WASF2: variants seen among roughly 807,000 people sequenced by gnomAD.
The protein encoded by WASF2 is actin-binding protein WASF2.
In WASF2, 14 loss-of-function variants were observed where a neutral mutation model predicts 45.0. The ratio of observed to expected loss-of-function variants is 0.31; its 90% confidence interval spans 0.21 to 0.49. WASF2 has a LOEUF of 0.49. Ranked by LOEUF, WASF2 falls within the 20% of genes least tolerant of loss-of-function variation. The pLI, the probability that WASF2 is intolerant of heterozygous loss-of-function variation, is 0.99. For missense variants in WASF2, 439 were observed against 636.1 expected (o/e 0.69, Z 3.33); for synonymous variants, 200 against 236.3 (o/e 0.85, Z 1.41).
At chr1:27,448,082 A>G (rs1474511176) in intron 1 of WASF2, among the ~76,000 whole-genome samples, 7 of 152,212 alleles carry the variant, frequency 4.6e-5, no homozygotes, top group Admixed American at 4.6e-4. Context: ...TGGTATTTAT[A>G]TGGGCTCTCC....
At chr1:27,480,809 C>A (rs1453084755) in intron 1 of WASF2, among the ~76,000 whole-genome samples, 2 of 151,964 alleles carry the variant, frequency 1.3e-5, no homozygotes, top group African/African-American at 4.8e-5. Context: ...GAGATCGAGA[C>A]CATCCTGGCT....
chr1:27,414,613 C>T lies in WASF2; in HGVS notation c.668+220G>A, dbSNP rs778514818. ...GGAGCCATGGGCTTTCTTTTCCAGA[C>T]CACTCCAATCACCTCATTTAAATTG... On this transcript the variant is annotated intron_variant, in intron 6 of 8. Coordinates refer to ENST00000618852, the MANE Select transcript of WASF2 (RefSeq NM_006990.5). This position sits in a 1 kb window ranked among gnomAD's most constrained non-coding sequence, Gnocchi z 4.1. Among the ~76,000 whole-genome samples, 6 of 152,166 alleles carry T rather than the reference C, an allele frequency of 3.9e-5. No individual in the cohort carries two copies. The highest frequency in any genetic ancestry group is 8.8e-5 in the Non-Finnish European group (6 of 68,040).
At chr1:27,423,588 A>G (rs2016937346) in intron 2 of WASF2, among the ~76,000 whole-genome samples, 1 of 152,230 alleles carries the variant, frequency 6.6e-6, no homozygotes, top group Non-Finnish European at 1.5e-5. Context: ...AACTTCTGAA[A>G]ACAGAAGTGT....
intron 2 of WASF2, among the ~76,000 whole-genome samples, chr1:27,423,132 C>A (rs1218138381): frequency 1.8e-5 from 2 of 113,268 alleles, no homozygotes; most frequent in African/African-American, 5.9e-5. Context: ...CGGAGTGAGA[C>A]TCCATCTCAA....
At chr1:27,422,713 T>C (rs916685244) in intron 2 of WASF2, among the ~76,000 whole-genome samples, 1 of 152,130 alleles carries the variant, frequency 6.6e-6, no homozygotes, top group South Asian at 2.1e-4. Context: ...CCAGCCTTAG[T>C]TTCCTCATCT....
chr1:27,445,049 T>C (rs1363385410), intron 1 of WASF2, among the ~76,000 whole-genome samples: 1 of 152,138 alleles, frequency 6.6e-6, no homozygotes, highest in East Asian at 1.9e-4. Context: ...ACTCTTTGAG[T>C]ACAGGAATTG....
intron 2 of WASF2, 128 bp from the exon 3 acceptor site, chr1:27,419,216 G>T: frequency 1.0e-6 from 1 of 1,000,174 alleles, no homozygotes; most frequent in Non-Finnish European, 1.5e-6. Flanking sequence ...ACCCTAAGAC[G>T]GTTTGGGCTA....
chr1:27,411,199 A>C (rs2016756558), intron 7 of WASF2, among the ~76,000 whole-genome samples: 1 of 152,232 alleles, frequency 6.6e-6, no homozygotes, highest in Admixed American at 6.5e-5. Flanking sequence ...TCAATTTCTA[A>C]TTAAGAAGTA....
chr1:27,483,121 G>A (rs781345917), intron 1 of WASF2, among the ~76,000 whole-genome samples: 2 of 152,100 alleles, frequency 1.3e-5, no homozygotes, highest in Non-Finnish European at 2.9e-5. Flanking sequence ...AATCACTTGA[G>A]GTCAAGAGTT....
chr1:27,450,334 A>G (rs931843355), intron 1 of WASF2, among the ~76,000 whole-genome samples: 1 of 152,168 alleles, frequency 6.6e-6, no homozygotes, highest in Non-Finnish European at 1.5e-5. Context: ...TAATTAGCAC[A>G]TGTCCAAAGA....
At chr1:27,438,867 T>C (rs1036735149) in intron 1 of WASF2, among the ~76,000 whole-genome samples, 2 of 152,204 alleles carry the variant, frequency 1.3e-5, no homozygotes, top group African/African-American at 4.8e-5. Context: ...TATCTGTCAC[T>C]AATGGCCAAG....
chr1:27,415,360 TAAACA>T (rs923115520), intron 5 of WASF2, among the ~76,000 whole-genome samples: 6 of 152,134 alleles, frequency 3.9e-5, no homozygotes, highest in East Asian at 3.8e-4. Flanking sequence ...GGAAATAGTT[TAAACA>T]AAACAAAACA....
intron 5 of WASF2, 53 bp from the exon 6 acceptor site, chr1:27,415,016 A>G (rs2148101153): frequency 6.2e-7 from 1 of 1,602,702 alleles, no homozygotes; most frequent in Admixed American, 1.7e-5. Context: ...CAAGTTCTTC[A>G]TTAAAATTCT....
chr1:27,459,796 T>C (rs2017520396), intron 1 of WASF2, among the ~76,000 whole-genome samples: 1 of 152,198 alleles, frequency 6.6e-6, no homozygotes, highest in African/African-American at 2.4e-5. Context: ...ATCACCCTAG[T>C]GGATACATAC....
At chr1:27,486,393 CTAAT>C (rs2017924077) in intron 1 of WASF2, among the ~76,000 whole-genome samples, 2 of 151,988 alleles carry the variant, frequency 1.3e-5, no homozygotes, top group African/African-American at 4.8e-5. Context: ...CTAATTAAGA[CTAAT>C]TATTTTACAG....
intron 1 of WASF2, among the ~76,000 whole-genome samples, chr1:27,487,257 C>A (rs1370920047): frequency 6.9e-6 from 1 of 145,748 alleles, no homozygotes; most frequent in African/African-American, 2.5e-5. Context: ...CCCGCCACCA[C>A]GCCCGGCTAC....
chr1:27,443,557 G>A (rs1165193344), intron 1 of WASF2, among the ~76,000 whole-genome samples: 1 of 150,390 alleles, frequency 6.6e-6, no homozygotes, highest in Non-Finnish European at 1.5e-5. Flanking sequence ...AGGTTGCAGT[G>A]AGCCAAGACT....
intron 2 of WASF2, among the ~76,000 whole-genome samples, chr1:27,421,278 T>C (rs1206137220): frequency 6.6e-6 from 1 of 152,260 alleles, no homozygotes; most frequent in African/African-American, 2.4e-5. Flanking sequence ...AAAACCATAC[T>C]GTATCATGCT....
chr1:27,465,184 A>T (rs2017598056), intron 1 of WASF2, among the ~76,000 whole-genome samples: 1 of 152,196 alleles, frequency 6.6e-6, no homozygotes, highest in Non-Finnish European at 1.5e-5. Flanking sequence ...ACACTTTATT[A>T]ATATAGACTC....
Sources: allele counts gnomAD v4.1 joint callset (sites outside exome capture counted in the v4.1 genomes callset), GRCh38; gene constraint gnomAD v4.1.1; non-coding constraint Gnocchi (gnomAD v3.1); transcripts MANE v1.5; gene names NCBI Gene and HGNC (gene_info 2026-07-23, HGNC 2026-07-21).